GXYLT2: variants seen among roughly 807,000 people sequenced by gnomAD.
The protein encoded by GXYLT2 is glycosyltransferase 8 domain containing 4.
In GXYLT2, 53 loss-of-function variants were observed where a neutral mutation model predicts 45.8. The ratio of observed to expected loss-of-function variants is 1.16; its 90% CI spans 0.93 to 1.46. GXYLT2 has a LOEUF of 1.46. Among genes scored for constraint, GXYLT2 ranks in the 40% most tolerant of loss-of-function variants. The probability of loss-of-function intolerance (pLI) is 0.00; values close to 1 mark genes in which losing one functional copy is unlikely to be tolerated. For synonymous variants in GXYLT2, 219 were observed against 214.2 expected (o/e 1.02, Z -0.19); for missense variants, 551 against 544.4 (o/e 1.01, Z -0.12).
chr3:72,925,680 C>A (rs1053761192), intron 3 of GXYLT2, among the ~76,000 whole-genome samples: 5 of 152,116 alleles, frequency 3.3e-5, no homozygotes, highest in African/African-American at 1.2e-4. Flanking sequence ...TCTTCCCATT[C>A]TATCCAAAAT....
intron 3 of GXYLT2, among the ~76,000 whole-genome samples, chr3:72,931,396 A>AT (rs199987699): frequency 1.3e-5 from 2 of 151,560 alleles, no homozygotes; most frequent in African/African-American, 4.9e-5. Flanking sequence ...CACATGGCTA[A>AT]TTTTTTGTAT....
intron 1 of GXYLT2, among the ~76,000 whole-genome samples, chr3:72,892,752 T>C (rs1709205364): frequency 6.6e-6 from 1 of 152,218 alleles, no homozygotes; most frequent in South Asian, 2.1e-4. Context: ...ATGGCCATCC[T>C]ATAATTAGCT....
At chr3:72,894,240 C>T (rs1274968316) in intron 1 of GXYLT2, among the ~76,000 whole-genome samples, 4 of 151,976 alleles carry the variant, frequency 2.6e-5, no homozygotes, top group East Asian at 1.9e-4. Flanking sequence ...TGAGGTCTAA[C>T]GTTTCTTGGG....
chr3:72,919,295 A>G (rs948414449), intron 2 of GXYLT2, among the ~76,000 whole-genome samples: 2 of 152,228 alleles, frequency 1.3e-5, no homozygotes, highest in Admixed American at 1.3e-4. Context: ...AGCATACAGT[A>G]TTATTAAATG....
At chr3:72,922,116 T>C in intron 2 of GXYLT2, 88 bp from the exon 3 acceptor site, 1 of 1,224,448 alleles carries the variant, frequency 8.2e-7, no homozygotes. Context: ...GCCTGAATAA[T>C]TTCCATTTGA....
At chr3:72,970,386 G>C (rs978356735) in intron 6 of GXYLT2, among the ~76,000 whole-genome samples, 7 of 151,254 alleles carry the variant, frequency 4.6e-5, no homozygotes, top group Non-Finnish European at 8.8e-5. Flanking sequence ...AAATAGGCCC[G>C]GTACAGAAGC....
At chr3:72,913,318 G>A (rs1224544092) in intron 2 of GXYLT2, among the ~76,000 whole-genome samples, 5 of 151,392 alleles carry the variant, frequency 3.3e-5, no homozygotes, top group African/African-American at 4.9e-5. Flanking sequence ...GATTACAAGC[G>A]TGAGCCACCG....
Position 72,888,515 on chromosome 3 carries a change from C to A in GXYLT2, c.275+7C>A. 1.6e-6 allele frequency: 2 copies of A among 1,227,030 alleles called. No homozygotes were observed. Among genetic ancestry groups the A allele is most frequent in the South Asian group, 2.8e-5 (1 of 35,486 alleles). The allele number at this position is 1,227,030 out of a possible 1,614,324, so 76.0% of individuals were successfully genotyped here. ...GACTGGAGAAGTTGGCGAGGTGAGT[C>A]GTGGCAACCCCAGAATCCCATCTGC... On this transcript the variant is annotated splice_region_variant and intron_variant, in intron 1 of 6. Coordinates refer to ENST00000389617, the MANE Select transcript of GXYLT2 (RefSeq NM_001080393.2).
chr3:72,905,113 C>G (rs1638697598), intron 1 of GXYLT2, among the ~76,000 whole-genome samples: 1 of 141,986 alleles, frequency 7.0e-6, no homozygotes, highest in South Asian at 2.4e-4. Context: ...AAGAAAATAA[C>G]CACTGTCCTG....
rs1376306332 is a variant in GXYLT2 at position 72,958,706 on chromosome 3, A to T, written c.976+1354A>T. 4.2e-4 allele frequency among the ~76,000 whole-genome samples: 59 copies of T among 140,708 alleles called. 1 individual carries two copies. In the Admixed American group the frequency reaches 4.4e-3, roughly 10 times the overall value. The allele number at this position is 140,708 out of a possible 152,430, so 92.3% of individuals were successfully genotyped here. On this transcript the variant is annotated intron_variant, in intron 5 of 6. Coordinates refer to ENST00000389617, the MANE Select transcript of GXYLT2 (RefSeq NM_001080393.2). ...GAGTGCAGTGACACAATCTCAGCTC[A>T]CTGCAATCTCTGCCTCCTGGGTTCC...
chr3:72,927,975 G>A (rs528726069), intron 3 of GXYLT2, among the ~76,000 whole-genome samples: 6 of 152,274 alleles, frequency 3.9e-5, no homozygotes, highest in African/African-American at 1.4e-4. Context: ...CACACTGTAG[G>A]GCTGATTCCA....
intron 1 of GXYLT2, among the ~76,000 whole-genome samples, chr3:72,902,232 C>T (rs1289608192): frequency 6.6e-6 from 1 of 152,186 alleles, no homozygotes; most frequent in African/African-American, 2.4e-5. Flanking sequence ...ATGGTACCTT[C>T]TATATTTAAC....
chr3:72,929,210 C>A (rs1709978039), intron 3 of GXYLT2: 1 of 1,582,560 alleles, frequency 6.3e-7, no homozygotes, highest in Non-Finnish European at 8.6e-7. Flanking sequence ...CAAATACTTT[C>A]TTCACCAATC....
chr3:72,949,099 T>G (rs1575807852), intron 3 of GXYLT2, among the ~76,000 whole-genome samples: 1 of 152,054 alleles, frequency 6.6e-6, no homozygotes, highest in African/African-American at 2.4e-5. Flanking sequence ...CCTAGAGGTG[T>G]CTGGGTCAAG....
intron 2 of GXYLT2, among the ~76,000 whole-genome samples, chr3:72,909,058 CTTTCTTTTTTT>C (rs1308161151): frequency 4.1e-5 from 5 of 122,412 alleles, no homozygotes; most frequent in African/African-American, 1.8e-4. Context: ...TTCTTTCTTC[CTTTCTTTTTTT>C]TTTTTTTTTT....
chr3:72,909,663 G>A (rs1709581474), intron 2 of GXYLT2, among the ~76,000 whole-genome samples: 1 of 152,100 alleles, frequency 6.6e-6, no homozygotes, highest in South Asian at 2.1e-4. Context: ...TGAAGAACAG[G>A]TAATGAGTTT....
At chr3:72,891,475 A>T (rs1375652144) in intron 1 of GXYLT2, among the ~76,000 whole-genome samples, 2 of 152,194 alleles carry the variant, frequency 1.3e-5, no homozygotes, top group Non-Finnish European at 2.9e-5. Context: ...AGTCATTTGT[A>T]TGCAATCTGC....
chr3:72,944,835 T>C (rs1020232479), intron 3 of GXYLT2, among the ~76,000 whole-genome samples: 1 of 152,038 alleles, frequency 6.6e-6, no homozygotes, highest in South Asian at 2.1e-4. Flanking sequence ...TCGAAATGCA[T>C]GAGAGGTAAG....
rs767313660 is a variant in GXYLT2 at position 72,908,469 on chromosome 3, C to T, written c.378C>T (p.Val126=). Residue 126 remains valine, a synonymous_variant, in exon 2 of 7, where the codon GTC becomes GTT. Coordinates refer to ENST00000389617, the MANE Select transcript of GXYLT2 (RefSeq NM_001080393.2). ...ACGNRLEETL[V]MLKSAVLFSH... ...GCAATCGGCTGGAGGAGACGCTGGTCATGCTCAAATCAGCTGTGCTTTTTA... is the reference window on the plus strand; with the variant it reads ...GCAATCGGCTGGAGGAGACGCTGGTTATGCTCAAATCAGCTGTGCTTTTTA... The T allele has an allele frequency of 6.2e-7, 1 of 1,613,868 alleles. No individual in the cohort carries two copies. The highest frequency in any genetic ancestry group is 1.1e-5 in the South Asian group (1 of 91,050).
Sources: allele counts gnomAD v4.1 joint callset (sites outside exome capture counted in the v4.1 genomes callset), GRCh38; gene constraint gnomAD v4.1.1; transcripts MANE v1.5; gene names NCBI Gene and HGNC (gene_info 2026-07-23, HGNC 2026-07-21).